The following AP3B1 variants were observed in gnomAD, a reference collection of about 807,000 sequenced individuals.
The protein encoded by AP3B1 is adaptor related protein complex 3 subunit beta 1, also known as AP-3 complex subunit beta-1.
AP3B1 carries 61 observed loss-of-function variants against 132.5 expected under a neutral mutation model. The observed-to-expected ratio is 0.46, with a 90% confidence interval of 0.37 to 0.57. The LOEUF is 0.57. AP3B1 is among the 20% of genes least tolerant of loss of function. The pLI, the probability that AP3B1 is intolerant of heterozygous loss-of-function variation, is 0.00. For missense variants in AP3B1, 1,120 were observed against 1,289.4 expected (o/e 0.87, Z 2.01); for synonymous variants, 388 against 438.3 (o/e 0.89, Z 1.43).
chr5:78,012,497 T>G (rs1445647646), intron 26 of AP3B1, among the ~76,000 whole-genome samples: 1 of 152,244 alleles, frequency 6.6e-6, no homozygotes, highest in South Asian at 2.1e-4. Context: ...ACCTGGAAGC[T>G]TTCTAAAATT....
chr5:78,003,184 C>A, intron 26 of AP3B1, 129 bp from the exon 27 acceptor site: 1 of 1,061,088 alleles, frequency 9.4e-7, no homozygotes, highest in Non-Finnish European at 1.3e-6. Flanking sequence ...TCCCTATTGC[C>A]AAAAACCCAA....
In AP3B1 at chr5:78,177,757, G is replaced by A. The variant is rs142206288; in HGVS notation, c.943-321C>T. Among the ~76,000 whole-genome samples, 640 of 152,200 alleles carry A rather than the reference G, an allele frequency of 4.2e-3. 2 individuals are homozygous for A. Among genetic ancestry groups the A allele is most frequent in the South Asian group, 7.9e-3 (38 of 4,826 alleles). On this transcript the variant is annotated intron_variant, in intron 8 of 26. Coordinates refer to ENST00000255194, the MANE Select transcript of AP3B1 (RefSeq NM_003664.5). Reference sequence around the variant, plus strand: ...AAAAAAAAGGACAAAAAGAGACACCGTGAAGGCCATGTGAAGATGGAGATA... The same window carrying A: ...AAAAAAAAGGACAAAAAGAGACACCATGAAGGCCATGTGAAGATGGAGATA...
chr5:78,226,458 T>C (rs1303920656), intron 5 of AP3B1, among the ~76,000 whole-genome samples: 1 of 152,128 alleles, frequency 6.6e-6, no homozygotes, highest in Non-Finnish European at 1.5e-5. Context: ...ACATCTTTAC[T>C]TTCCGGTAAC....
intron 15 of AP3B1, among the ~76,000 whole-genome samples, chr5:78,137,515 G>C (rs912191813): frequency 2.0e-4 from 30 of 152,084 alleles, no homozygotes; most frequent in African/African-American, 7.2e-4. Flanking sequence ...TGGAGGTCTA[G>C]CCACTGTGCA....
chr5:78,241,915 C>A (rs112927102), intron 2 of AP3B1, among the ~76,000 whole-genome samples: 3 of 152,140 alleles, frequency 2.0e-5, no homozygotes, highest in Admixed American at 1.3e-4. Context: ...TTACCCTGGT[C>A]TCTTCTCACA....
chr5:78,273,537 G>A (rs1309277814), intron 1 of AP3B1, among the ~76,000 whole-genome samples: 1 of 152,140 alleles, frequency 6.6e-6, no homozygotes, highest in Non-Finnish European at 1.5e-5. Context: ...TTGAATTCCA[G>A]GGCTGCCACA....
chr5:78,149,900 A>G lies in AP3B1; in HGVS notation c.1473+6358T>C, dbSNP rs571139072. ...CCGCTGAGAGATGGGGTGGAAGTTC[A>G]GATGCTAAATGACTCCTGTAAGCCA... is the stretch of plus-strand genomic sequence containing the variant. On this transcript the variant is annotated intron_variant, in intron 14 of 26. Transcript: ENST00000255194. 5.9e-5 allele frequency among the ~76,000 whole-genome samples: 9 copies of G among 152,206 alleles called. No homozygotes were observed. The South Asian group carries it at 1.9e-3, about 31-fold the overall frequency.
intron 3 of AP3B1, among the ~76,000 whole-genome samples, chr5:78,239,198 C>T (rs1435201124): frequency 6.6e-6 from 1 of 152,026 alleles, no homozygotes; most frequent in Non-Finnish European, 1.5e-5. Context: ...AGCCCAGGCA[C>T]GATGGCTCAT....
At chr5:78,213,919 G>A (rs1326732882) in intron 7 of AP3B1, among the ~76,000 whole-genome samples, 3 of 152,070 alleles carry the variant, frequency 2.0e-5, no homozygotes, top group Admixed American at 1.3e-4. Context: ...CAAATTCAAC[G>A]CTGCATAAGA....
At position 78,003,871 on chromosome 5, in the gene AP3B1, A is replaced by G. The variant is rs1039957545; in HGVS notation, c.3132-816T>C. On this transcript the variant is annotated intron_variant, in intron 26 of 26. Transcript: ENST00000255194. ...GTTGCAGGCATAACGAACTTCTGTC[A>G]ATCCTGCTAATTCATTCTGCATGCA... Among the ~76,000 whole-genome samples, 3 of 152,218 alleles carry G rather than the reference A, an allele frequency of 2.0e-5. No individual in the cohort carries two copies. In the South Asian group the frequency reaches 6.2e-4, roughly 32 times the overall value.
At chr5:78,000,945 T>C (rs1212204951), downstream of AP3B1, 4 of 152,362 alleles carry the variant, frequency 2.6e-5, no homozygotes, top group Non-Finnish European at 5.9e-5. Flanking sequence ...AGTGTTAAAA[T>C]GGTTTCAACT....
chr5:78,118,348 C>T (rs1043367690), intron 17 of AP3B1, among the ~76,000 whole-genome samples: 2 of 152,168 alleles, frequency 1.3e-5, no homozygotes, highest in Non-Finnish European at 2.9e-5. Context: ...GTGCAGCGCA[C>T]TGTGCGCAAG....
chr5:78,271,428 C>T (rs1005536241), intron 1 of AP3B1, among the ~76,000 whole-genome samples: 2 of 151,878 alleles, frequency 1.3e-5, no homozygotes, highest in Non-Finnish European at 2.9e-5. Flanking sequence ...TCTCAAAAAA[C>T]AAAAAACAAA....
At chr5:78,186,284 T>G (rs1458913532) in intron 7 of AP3B1, among the ~76,000 whole-genome samples, 12 of 151,924 alleles carry the variant, frequency 7.9e-5, no homozygotes, top group Admixed American at 2.0e-4. Context: ...GCAAAGAAAA[T>G]TACAACAGAG....
rs1428066521 is a variant in AP3B1, at chr5:78,175,638, G to C, written c.1155C>G (p.Ile385Met). 1 of 1,612,608 alleles carries C rather than the reference G, an allele frequency of 6.2e-7. No individual in the cohort carries two copies. Among genetic ancestry groups the C allele is most frequent in the African/African-American group, 1.3e-5 (1 of 74,870 alleles). Reference sequence around the variant, plus strand: ...AAAGCATACATACCTTCAGTGTCTTGATCATAGTTGGATCAGTTGACCTAA... The same window carrying C: ...AAAGCATACATACCTTCAGTGTCTTCATCATAGTTGGATCAGTTGACCTAA... ...FYVRSTDPTMIKTLKLEILTN... is the reference protein window; with the variant it reads ...FYVRSTDPTMMKTLKLEILTN... The change falls in exon 11 of 27, where the codon ATC (isoleucine) becomes ATG (methionine). Residue 385 changes from isoleucine (I) to methionine (M), a missense_variant. Transcript: ENST00000255194.
At chr5:78,138,992 A>C (rs1753031070) in intron 15 of AP3B1, among the ~76,000 whole-genome samples, 4 of 136,834 alleles carry the variant, frequency 2.9e-5, no homozygotes, top group Non-Finnish European at 4.7e-5. Flanking sequence ...AAAAAAAAAC[A>C]CTTCAGAAAC....
At chr5:78,156,827 C>A (rs1421996056) in intron 13 of AP3B1, among the ~76,000 whole-genome samples, 2 of 151,974 alleles carry the variant, frequency 1.3e-5, no homozygotes, top group South Asian at 2.1e-4. Context: ...AAGTGAAATG[C>A]CCAGAAAAGT....
chr5:78,198,915 C>G (rs145665013), intron 7 of AP3B1, among the ~76,000 whole-genome samples: 1 of 152,290 alleles, frequency 6.6e-6, no homozygotes, highest in East Asian at 1.9e-4. Flanking sequence ...GAAAAAGTCT[C>G]CTTCCCCAAA....
Position 78,216,188 on chromosome 5 carries a change from C to T in AP3B1, c.653G>A (p.Arg218Lys). The stretch of plus-strand genomic sequence containing the variant: ...GTAATTTTTATGAATCAGATCTATT[C>T]TGTCCGGGCATACTTCTTCAAAAGC... ...VMAFEEVCPD[R>K]IDLIHKNYRK... Residue 218 changes from arginine (R) to lysine (K), a missense_variant, in exon 7 of 27, where the codon AGA (arginine) becomes AAA (lysine). This residue lies in a region of AP3B1 where 129 missense variants were observed against 212.4 expected (regional missense o/e 0.61). Transcript: ENST00000255194. 1 of 1,614,006 alleles carries T rather than the reference C, an allele frequency of 6.2e-7. No homozygotes were observed. The highest frequency in any genetic ancestry group is 8.5e-7 in the Non-Finnish European group (1 of 1,179,932).
Sources: gnomAD v4.1 joint callset for allele counts (sites outside exome capture counted in the v4.1 genomes callset) on GRCh38, gnomAD v4.1.1 for gene constraint, gnomAD v4.1.1 regional missense constraint, MANE v1.5 for transcripts, NCBI Gene and HGNC (gene_info 2026-07-23, HGNC 2026-07-21) for gene names.